The following NAV3 variants were observed in gnomAD, a reference collection of about 807,000 sequenced individuals.
NAV3 encodes pore membrane and/or filament interacting like protein 1.
NAV3 carries 87 observed loss-of-function variants against 244.7 expected under a neutral mutation model. The observed-to-expected ratio is 0.36, with a 90% confidence interval of 0.30 to 0.42. The LOEUF (loss-of-function observed/expected upper bound fraction) is 0.42, where lower values mean the gene tolerates loss of function less well. Among genes scored for constraint, NAV3 ranks in the 20% least tolerant of loss-of-function variants. The pLI is 1.00. For missense variants in NAV3, 2,663 were observed against 2,893.3 expected (o/e 0.92, Z 1.83); for synonymous variants, 1,126 against 1,042.2 (o/e 1.08, Z -1.55).
At chr12:77,932,248 C>G (rs1278706806) in intron 1 of NAV3, among the ~76,000 whole-genome samples, 1 of 151,952 alleles carries the variant, frequency 6.6e-6, no homozygotes, top group East Asian at 1.9e-4. Flanking sequence ...ACCCTAAGTC[C>G]GGATTTTCCC....
intron 34 of NAV3, among the ~76,000 whole-genome samples, chr12:78,193,200 A>G (rs371899390): frequency 6.6e-6 from 1 of 152,204 alleles, no homozygotes. Flanking sequence ...TCATGTTTTC[A>G]GTACCTCTGC....
At chr12:78,012,629 A>T (rs1448386584) in intron 8 of NAV3, among the ~76,000 whole-genome samples, 1 of 151,966 alleles carries the variant, frequency 6.6e-6, no homozygotes, top group Admixed American at 6.6e-5. Context: ...ATGTTCATTT[A>T]TGACTGTAAC....
At chr12:77,609,051 C>T (rs1870794772) in intron 2 of NAV3, among the ~76,000 whole-genome samples, 1 of 152,094 alleles carries the variant, frequency 6.6e-6, no homozygotes, top group Admixed American at 6.6e-5. Context: ...TACAGGACCT[C>T]TGACCACTGG....
At position 78,021,079 on chromosome 12, in the gene NAV3, G is replaced by T. The variant is rs116396987; in HGVS notation, c.1908-668G>T. Among the ~76,000 whole-genome samples, 1,022 of 152,256 alleles carry T rather than the reference G, an allele frequency of 6.7e-3. 10 individuals carry two copies. Among genetic ancestry groups the T allele is most frequent in the African/African-American group, 0.024 (991 of 41,556 alleles). On this transcript the variant is annotated intron_variant, in intron 8 of 39. Coordinates refer to ENST00000397909, the MANE Select transcript of NAV3 (RefSeq NM_001024383.2). ...AAGAAACATGCATGAAGTATGATTA[G>T]AATATCAAAAGTATTCAGGACCTTT... is the stretch of plus-strand genomic sequence containing the variant.
chr12:77,988,374 T>C (rs1257246919), intron 5 of NAV3, among the ~76,000 whole-genome samples: 1 of 152,204 alleles, frequency 6.6e-6, no homozygotes, highest in Non-Finnish European at 1.5e-5. Flanking sequence ...AAATGGATTT[T>C]ATAACTCCAC....
At position 78,006,836 on chromosome 12, in the gene NAV3, G is replaced by A. The variant is rs1874313336; in HGVS notation, c.1298G>A (p.Gly433Asp). 1.2e-6 allele frequency: 2 copies of A among 1,614,144 alleles called. No homozygotes were observed. Among genetic ancestry groups the A allele is most frequent in the African/African-American group, 1.3e-5 (1 of 75,028 alleles). ...GGTTTTAACAGTGGTCTGAATAGTG[G>A]TGGCTCAACAAATAGCAGTCCCAAA... ...MEGFNSGLNS[G>D]GSTNSSPKVS... The change falls in exon 8 of 40, where the codon GGT becomes GAT. Residue 433 changes from glycine (G) to aspartate (D), a missense_variant. This residue lies in a region of NAV3 where 1,521 missense variants were observed against 1,497.0 expected (regional missense o/e 1.02). Transcript: ENST00000397909.
At chr12:77,732,201 A>T (rs1265782640) in intron 2 of NAV3, among the ~76,000 whole-genome samples, 1 of 152,000 alleles carries the variant, frequency 6.6e-6, no homozygotes, top group Non-Finnish European at 1.5e-5. Flanking sequence ...TGCAGAAGTT[A>T]TGAAGTGGGG....
intron 3 of NAV3, among the ~76,000 whole-genome samples, chr12:77,961,512 A>G (rs1341152173): frequency 7.0e-6 from 1 of 143,876 alleles, no homozygotes; most frequent in Non-Finnish European, 1.5e-5. Flanking sequence ...TATATTAAAT[A>G]TATAATATAT....
intron 1 of NAV3, among the ~76,000 whole-genome samples, chr12:77,873,744 G>GTGTGTGTGTGTATATA (rs776225440): frequency 6.8e-5 from 5 of 73,182 alleles, no homozygotes; most frequent in South Asian, 6.5e-4. Context: ...ATGTGTGTGT[G>GTGTGTGTGTGTATATA]TATATATATA....
intron 9 of NAV3, among the ~76,000 whole-genome samples, chr12:78,049,029 G>A (rs1447721557): frequency 6.6e-6 from 1 of 152,168 alleles, no homozygotes; most frequent in African/African-American, 2.4e-5. Flanking sequence ...GAGGGGAAAA[G>A]CACCTACTCA....
At chr12:77,650,808 A>C (rs546717894) in intron 2 of NAV3, among the ~76,000 whole-genome samples, 56 of 152,220 alleles carry the variant, frequency 3.7e-4, no homozygotes, top group African/African-American at 1.3e-3. Flanking sequence ...AAACAGACTT[A>C]TGAAGATCAT....
At chr12:77,846,173 A>G (rs974554009) in intron 1 of NAV3, among the ~76,000 whole-genome samples, 14 of 152,182 alleles carry the variant, frequency 9.2e-5, no homozygotes, top group Non-Finnish European at 1.9e-4. Context: ...ACTAAATGAC[A>G]AAGTGTCTGT....
At chr12:77,880,243 T>A (rs1020567445) in intron 1 of NAV3, among the ~76,000 whole-genome samples, 1 of 152,100 alleles carries the variant, frequency 6.6e-6, no homozygotes. Context: ...TATTTTTCAT[T>A]TGGGGAAGAT....
At chr12:77,625,319 C>G (rs879397608) in intron 2 of NAV3, among the ~76,000 whole-genome samples, 5 of 151,408 alleles carry the variant, frequency 3.3e-5, no homozygotes, top group East Asian at 1.9e-4. Context: ...CTTTATGAAC[C>G]CTGAATATGA....
chr12:77,636,978 T>G (rs1467652825), intron 2 of NAV3, among the ~76,000 whole-genome samples: 1 of 151,516 alleles, frequency 6.6e-6, no homozygotes, highest in Non-Finnish European at 1.5e-5. Flanking sequence ...CATCACACAC[T>G]GGGGCCTGTT....
At chr12:77,755,408 C>T (rs1869085187) in intron 2 of NAV3, among the ~76,000 whole-genome samples, 1 of 152,148 alleles carries the variant, frequency 6.6e-6, no homozygotes, top group South Asian at 2.1e-4. Context: ...CCAGGGAGCA[C>T]AAAGCCCTCT....
chr12:78,185,977 A>C (rs1476568001), intron 31 of NAV3, among the ~76,000 whole-genome samples: 1 of 151,892 alleles, frequency 6.6e-6, no homozygotes, highest in Non-Finnish European at 1.5e-5. Context: ...TTTGGCAAAC[A>C]TCTTGTCTGA....
intron 21 of NAV3, among the ~76,000 whole-genome samples, chr12:78,148,051 A>G (rs2139211054): frequency 6.6e-6 from 1 of 152,212 alleles, no homozygotes; most frequent in Middle Eastern, 3.4e-3. Flanking sequence ...ATATATCCTT[A>G]CCCTTTTCTG....
At chr12:77,765,089 A>T (rs1869672298) in intron 2 of NAV3, among the ~76,000 whole-genome samples, 1 of 152,190 alleles carries the variant, frequency 6.6e-6, no homozygotes, top group African/African-American at 2.4e-5. Flanking sequence ...GATCTTTTCA[A>T]CTTCCTTCTC....
Sources: allele counts gnomAD v4.1 joint callset (sites outside exome capture counted in the v4.1 genomes callset), GRCh38; gene constraint gnomAD v4.1.1; regional missense constraint gnomAD v4.1.1; transcripts MANE v1.5; gene names NCBI Gene and HGNC (gene_info 2026-07-23, HGNC 2026-07-21).